SDK1: variants seen among roughly 807,000 people sequenced by gnomAD.
SDK1 encodes sidekick cell adhesion molecule 1.
Under a neutral mutation model 245.5 loss-of-function variants are expected in SDK1, and 157 were observed. That is an observed-to-expected ratio of 0.64 (90% CI 0.56 to 0.73). SDK1 has a LOEUF of 0.73. Ranked by LOEUF, SDK1 falls within the 30% of genes least tolerant of loss-of-function variation. The pLI is 0.00. For missense variants in SDK1, 3,583 were observed against 3,002.3 expected (o/e 1.19, Z -4.52); for synonymous variants, 1,647 against 1,278.5 (o/e 1.29, Z -6.15).
chr7:3,387,262 C>T (rs79315821), intron 1 of SDK1, among the ~76,000 whole-genome samples: 1 of 152,102 alleles, frequency 6.6e-6, no homozygotes, highest in African/African-American at 2.4e-5. Context: ...GCATAGAGCA[C>T]CTTTAATAGC....
intron 1 of SDK1, among the ~76,000 whole-genome samples, chr7:3,553,302 T>C (rs1438739320): frequency 6.6e-6 from 1 of 152,202 alleles, no homozygotes; most frequent in African/African-American, 2.4e-5. Flanking sequence ...TTTTGCTCTA[T>C]GTCAAAAAAT....
At chr7:4,063,832 A>G (rs1176396866) in intron 19 of SDK1, among the ~76,000 whole-genome samples, 1 of 152,150 alleles carries the variant, frequency 6.6e-6, no homozygotes, top group Non-Finnish European at 1.5e-5. Flanking sequence ...ATTTACAACC[A>G]ACTGATTTTC....
At position 4,074,530 on chromosome 7, in the gene SDK1, G is replaced by A. The variant is rs1780495835; in HGVS notation, c.3011-2468G>A. 2.0e-5 allele frequency among the ~76,000 whole-genome samples: 3 copies of A among 152,184 alleles called. No homozygotes were observed. In the South Asian group the frequency reaches 6.2e-4, roughly 32 times the overall value. ...GCAGGCTAGATGTCTTAGACGTCAG[G>A]GTGGGCAGATGAGGGAAATGCTAAG... On this transcript the variant is annotated intron_variant, in intron 20 of 44. Transcript: ENST00000404826.
In SDK1 at chr7:3,928,677, A is replaced by G. The variant is rs886597045; in HGVS notation, c.848-22246A>G. Among the ~76,000 whole-genome samples the G allele has an allele frequency of 2.6e-5, 4 of 152,190 alleles. No individual in the cohort carries two copies. The South Asian group carries it at 8.3e-4, about 31-fold the overall frequency. ...AATAATGGTAAGAATAACAATAGCAACAATGATAGCAAAGGCAATAACCAA... is the reference window on the plus strand; with the variant it reads ...AATAATGGTAAGAATAACAATAGCAGCAATGATAGCAAAGGCAATAACCAA... On this transcript the variant is annotated intron_variant, in intron 5 of 44. Transcript: ENST00000404826.
At chr7:3,678,648 T>C (rs1196018192) in intron 4 of SDK1, among the ~76,000 whole-genome samples, 1 of 152,196 alleles carries the variant, frequency 6.6e-6, no homozygotes, top group Non-Finnish European at 1.5e-5. Flanking sequence ...TGGGAGTTAC[T>C]GTGTCACAGG....
intron 28 of SDK1, among the ~76,000 whole-genome samples, chr7:4,136,216 T>C (rs1396484796): frequency 6.6e-6 from 1 of 152,192 alleles, no homozygotes; most frequent in African/African-American, 2.4e-5. Flanking sequence ...TGGCTTGTAA[T>C]TGTAATGCAT....
Position 3,737,652 on chromosome 7 carries a change from A to G in SDK1, c.714-83798A>G, listed in dbSNP as rs139579380. On this transcript the variant is annotated intron_variant, in intron 4 of 44. Transcript: ENST00000404826. ...AGGGATTTGGTGCCACCACTGAGAT[A>G]CACGAGCTAGTTGCTTTGAGCCCCA... Among the ~76,000 whole-genome samples the G allele has an allele frequency of 1.8e-3, 273 of 152,298 alleles. 2 individuals carry two copies. Among genetic ancestry groups the G allele is most frequent in the Non-Finnish European group, 2.3e-3 (158 of 68,022 alleles).
At chr7:3,696,515 G>T (rs539316361) in intron 4 of SDK1, among the ~76,000 whole-genome samples, 1 of 151,750 alleles carries the variant, frequency 6.6e-6, no homozygotes, top group Non-Finnish European at 1.5e-5. Flanking sequence ...TGGTGATGGT[G>T]CTCTGTAATA....
chr7:3,507,265 T>G (rs1015292450), intron 1 of SDK1, among the ~76,000 whole-genome samples: 5 of 151,692 alleles, frequency 3.3e-5, no homozygotes, highest in Non-Finnish European at 7.4e-5. Flanking sequence ...ACCCTACACA[T>G]GTGCAGCGTA....
chr7:3,558,481 A>G lies in SDK1; in HGVS notation c.299-60599A>G, dbSNP rs112607459. On this transcript the variant is annotated intron_variant, in intron 1 of 44. Coordinates refer to ENST00000404826, the MANE Select transcript of SDK1 (RefSeq NM_152744.4). ...TGAAAAGATCATAGAGAAGATTAGA[A>G]TTAGCCTGGCTTGGATCACAGCCCT... Among the ~76,000 whole-genome samples the G allele has an allele frequency of 1.3e-3, 197 of 152,318 alleles. 4 individuals are homozygous for G. The highest frequency in any genetic ancestry group is 4.4e-3 in the African/African-American group (182 of 41,560).
At chr7:3,593,443 G>A (rs1395377178) in intron 1 of SDK1, among the ~76,000 whole-genome samples, 2 of 152,130 alleles carry the variant, frequency 1.3e-5, no homozygotes, top group African/African-American at 4.8e-5. Context: ...AGACCTTGGT[G>A]GTTTGGAAGT....
At chr7:3,992,659 T>C (rs536989083) in intron 14 of SDK1, among the ~76,000 whole-genome samples, 1 of 152,326 alleles carries the variant, frequency 6.6e-6, no homozygotes, top group East Asian at 1.9e-4. Flanking sequence ...GAGATTATTA[T>C]GATCCTGTGG....
intron 1 of SDK1, among the ~76,000 whole-genome samples, chr7:3,461,904 A>G (rs1027348042): frequency 2.6e-5 from 4 of 152,024 alleles, no homozygotes; most frequent in African/African-American, 7.2e-5. Flanking sequence ...CCCTTTCTTG[A>G]ATACCCAACT....
At chr7:3,379,239 C>G (rs545586728) in intron 1 of SDK1, among the ~76,000 whole-genome samples, 3 of 152,236 alleles carry the variant, frequency 2.0e-5, no homozygotes, top group Non-Finnish European at 4.4e-5. Flanking sequence ...AGACCTGTCA[C>G]GATGGAGCTT....
chr7:3,773,019 G>T (rs1780446886), intron 4 of SDK1, among the ~76,000 whole-genome samples: 1 of 152,120 alleles, frequency 6.6e-6, no homozygotes, highest in South Asian at 2.1e-4. Context: ...TCTCAATGTG[G>T]ATATCTTAAA....
In SDK1 at chr7:3,515,818, C is replaced by G. The variant is rs141448969; in HGVS notation, c.299-103262C>G. On this transcript the variant is annotated intron_variant, in intron 1 of 44. Transcript: ENST00000404826. ...GGTACAGTCTCAAAGACATAAATCACCTTATTTTGATCAGTTTTTGAAGAT... is the reference window on the plus strand; with the variant it reads ...GGTACAGTCTCAAAGACATAAATCAGCTTATTTTGATCAGTTTTTGAAGAT... Among the ~76,000 whole-genome samples, 688 of 152,160 alleles carry G rather than the reference C, an allele frequency of 4.5e-3. 8 individuals are homozygous for G. The highest frequency in any genetic ancestry group is 0.016 in the African/African-American group (648 of 41,528).
At position 3,435,663 on chromosome 7, in the gene SDK1, T is replaced by G. The variant is rs540804492; in HGVS notation, c.298+133779T>G. On this transcript the variant is annotated intron_variant, in intron 1 of 44. Transcript: ENST00000404826. Reference sequence around the variant, plus strand: ...TACAGGAGTGAGCCACTGCACTCTGTGGGGGCTTTTAAAGAGGAAGTGAAG... The same window carrying G: ...TACAGGAGTGAGCCACTGCACTCTGGGGGGGCTTTTAAAGAGGAAGTGAAG... Among the ~76,000 whole-genome samples, 23 of 152,120 alleles carry G rather than the reference T, an allele frequency of 1.5e-4. No individual in the cohort carries two copies. In the South Asian group the frequency reaches 4.4e-3, roughly 29 times the overall value.
chr7:3,561,241 A>G (rs1779741351), intron 1 of SDK1, among the ~76,000 whole-genome samples: 2 of 152,066 alleles, frequency 1.3e-5, no homozygotes, highest in African/African-American at 4.8e-5. Context: ...GTTTTTCTTC[A>G]AGGGCAGGGG....
chr7:3,485,903 T>C (rs558677921), intron 1 of SDK1, among the ~76,000 whole-genome samples: 17 of 152,082 alleles, frequency 1.1e-4, no homozygotes, highest in African/African-American at 2.2e-4. Context: ...TTATATAATA[T>C]TGGTTTTATC....
Sources: allele counts gnomAD v4.1 joint callset (sites outside exome capture counted in the v4.1 genomes callset), GRCh38; gene constraint gnomAD v4.1.1; transcripts MANE v1.5; gene names NCBI Gene and HGNC (gene_info 2026-07-23, HGNC 2026-07-21).